The following TSPAN13 variants were observed in gnomAD, a reference collection of about 807,000 sequenced individuals.
The protein encoded by TSPAN13 is tetraspanin-13.
In TSPAN13, 18 loss-of-function variants were observed where a neutral mutation model predicts 26.9. The ratio of observed to expected loss-of-function variants is 0.67; its 90% CI spans 0.46 to 0.99. The LOEUF (loss-of-function observed/expected upper bound fraction) is 0.99, where lower values mean the gene tolerates loss of function less well. Ranked by LOEUF, TSPAN13 falls within the 50% of genes least tolerant of loss-of-function variation. The probability of loss-of-function intolerance (pLI) is 0.00; values close to 1 mark genes in which losing one functional copy is unlikely to be tolerated. For synonymous variants in TSPAN13, 116 were observed against 98.4 expected (o/e 1.18, Z -1.06); for missense variants, 201 against 249.6 (o/e 0.81, Z 1.31).
chr7:16,783,287 A>T, intron 5 of TSPAN13, 130 bp from the exon 6 acceptor site: 1 of 882,210 alleles, frequency 1.1e-6, no homozygotes, highest in Non-Finnish European at 1.7e-6. Flanking sequence ...AAAGAAAAAA[A>T]ATCTCTCCCC....
intron 1 of TSPAN13, among the ~76,000 whole-genome samples, chr7:16,760,433 A>G (rs984705115): frequency 1.3e-5 from 2 of 152,194 alleles, no homozygotes; most frequent in African/African-American, 4.8e-5. Context: ...GGCTCAAGGA[A>G]TTGGCAGGAT....
chr7:16,775,432 A>G (rs991339437), intron 1 of TSPAN13, among the ~76,000 whole-genome samples: 29 of 152,276 alleles, frequency 1.9e-4, no homozygotes, highest in African/African-American at 6.8e-4. Context: ...TTCACTTTAA[A>G]TAGCTAAAGT....
At chr7:16,766,419 A>C (rs1438966607) in intron 1 of TSPAN13, among the ~76,000 whole-genome samples, 2 of 152,244 alleles carry the variant, frequency 1.3e-5, no homozygotes, top group Non-Finnish European at 2.9e-5. Context: ...ATGTGTGTGC[A>C]TATGTGCATC....
chr7:16,779,090 A>T lies in TSPAN13; in HGVS notation c.514A>T (p.Ile172Phe), dbSNP rs905175846. The T allele has an allele frequency of 1.9e-6, 3 of 1,613,922 alleles. No homozygotes were observed. In the Admixed American group the frequency reaches 5.0e-5, roughly 27 times the overall value. ...AGAGGTTTTGAGATTTGTTGGTGGC[A>T]TTGGCCTGTTCTTCAGTTTTACAGA... Reference protein sequence around the residue: ...AGEVLRFVGGIGLFFSFTEIL... With the variant: ...AGEVLRFVGGFGLFFSFTEIL... The change falls in exon 5 of 6, where the codon ATT becomes TTT. Residue 172 changes from isoleucine to phenylalanine, a missense_variant. Coordinates refer to ENST00000262067, the MANE Select transcript of TSPAN13 (RefSeq NM_014399.4).
chr7:16,779,479 TACAC>T (rs1264732209), intron 5 of TSPAN13, among the ~76,000 whole-genome samples: 4 of 152,104 alleles, frequency 2.6e-5, no homozygotes, highest in Admixed American at 6.5e-5. Flanking sequence ...ATGTCTATAA[TACAC>T]AGACATACAT....
rs1784850213 is a variant in TSPAN13, at chr7:16,784,484, T to G, written c.*993T>G. On this transcript the variant is annotated 3_prime_UTR_variant, in exon 6 of 6. Coordinates refer to ENST00000262067, the MANE Select transcript of TSPAN13 (RefSeq NM_014399.4). ...AAAATTAAAGGACAGAAACCTTTCT[T>G]TGTGTATGCATGTTTGAATTAAAAG... 6.6e-6 allele frequency: 1 copy of G among 152,188 alleles called. No individual in the cohort carries two copies. Among genetic ancestry groups the G allele is most frequent in the Non-Finnish European group, 1.5e-5 (1 of 68,016 alleles). The allele number at this position is 152,188 out of a possible 1,614,324, so 9.4% of individuals were successfully genotyped here.
intron 1 of TSPAN13, among the ~76,000 whole-genome samples, chr7:16,775,543 C>T (rs1484368277): frequency 1.3e-5 from 2 of 152,156 alleles, no homozygotes; most frequent in African/African-American, 4.8e-5. Context: ...ATTTCAGCAG[C>T]AATTCTATGA....
intron 1 of TSPAN13, among the ~76,000 whole-genome samples, chr7:16,775,374 A>C (rs771318709): frequency 1.1e-4 from 16 of 152,252 alleles, no homozygotes; most frequent in Non-Finnish European, 2.2e-4. Context: ...AAATATATGA[A>C]TAAAACAATT....
In TSPAN13 at chr7:16,754,030, C is replaced by G. The variant is rs779519006; in HGVS notation, c.63C>G (p.Thr21=). ...NCLCALNLLY[T]LVSLLLIGIA... Reference sequence around the variant, plus strand: ...TGTGCGCCCTCAACCTGCTTTACACCGTGAGTATCCCCAGTCCGTTCCTGC... The same window carrying G: ...TGTGCGCCCTCAACCTGCTTTACACGGTGAGTATCCCCAGTCCGTTCCTGC... Residue 21 remains threonine, a splice_region_variant and synonymous_variant, in exon 1 of 6, where the codon ACC becomes ACG. Coordinates refer to ENST00000262067, the MANE Select transcript of TSPAN13 (RefSeq NM_014399.4). The G allele has an allele frequency of 2.5e-6, 4 of 1,613,680 alleles. No individual in the cohort carries two copies. The East Asian group carries it at 8.9e-5, about 36-fold the overall frequency.
chr7:16,775,998 A>C, intron 1 of TSPAN13: 1 of 423,784 alleles, frequency 2.4e-6, no homozygotes, highest in East Asian at 3.6e-5. Flanking sequence ...TTTCTTTTGC[A>C]AGAATAAAGC....
At chr7:16,773,830 C>T (rs1476017274) in intron 1 of TSPAN13, among the ~76,000 whole-genome samples, 1 of 152,030 alleles carries the variant, frequency 6.6e-6, no homozygotes, top group African/African-American at 2.4e-5. Flanking sequence ...TCTTTTTTGG[C>T]TCTAAGACTT....
chr7:16,770,502 G>A (rs534277367), intron 1 of TSPAN13, among the ~76,000 whole-genome samples: 22 of 152,284 alleles, frequency 1.4e-4, no homozygotes, highest in African/African-American at 4.6e-4. Context: ...GAGCCACCGC[G>A]CCCAGCCCCC....
chr7:16,764,017 C>CTTTATT (rs1490221525), intron 1 of TSPAN13, among the ~76,000 whole-genome samples: 2 of 151,952 alleles, frequency 1.3e-5, no homozygotes, highest in Admixed American at 6.6e-5. Flanking sequence ...TTTCTTTGTT[C>CTTTATT]TTTATTTTTA....
In TSPAN13 at chr7:16,777,122, G is replaced by A. The variant is rs764601799; in HGVS notation, c.312G>A (p.Gln104=). The change falls in exon 3 of 6, where the codon CAG becomes CAA. Residue 104 remains glutamine (Q), a splice_region_variant and synonymous_variant. Coordinates refer to ENST00000262067, the MANE Select transcript of TSPAN13 (RefSeq NM_014399.4). ...GTTTAGCCCTGAACCAGGAGCAACA[G>A]GTAAGCTAAGACTTTTTTCTTCTAC... ...CACLALNQEQ[Q]GQLLEVGWNN... is the part of the protein sequence containing the mutation. 1 of 1,611,404 alleles carries A rather than the reference G, an allele frequency of 6.2e-7. No individual in the cohort carries two copies. The highest frequency in any genetic ancestry group is 1.7e-5 in the Admixed American group (1 of 59,968).
At chr7:16,777,240 CTGGATAGCAAAACTCTCTTGTTCCCTT>C in intron 3 of TSPAN13, 118 bp downstream of exon 3, 1 of 694,974 alleles carries the variant, frequency 1.4e-6, no homozygotes, top group South Asian at 1.9e-5. Context: ...CACCTTCACT[CTGGATAGCAAAACTCTCTTGTTCCCTT>C]TGCATTAGTG....
intron 1 of TSPAN13, among the ~76,000 whole-genome samples, chr7:16,756,841 T>C (rs867882143): frequency 2.0e-5 from 3 of 152,224 alleles, no homozygotes; most frequent in African/African-American, 7.2e-5. Flanking sequence ...TCAACAATTA[T>C]TGAGTGCCTA....
chr7:16,761,784 A>C (rs1309999724), intron 1 of TSPAN13, among the ~76,000 whole-genome samples: 1 of 133,806 alleles, frequency 7.5e-6, no homozygotes, highest in African/African-American at 2.9e-5. Flanking sequence ...TTCCTCTTGC[A>C]TTGGCTTCCC....
intron 1 of TSPAN13, among the ~76,000 whole-genome samples, chr7:16,761,201 C>A (rs143025621): frequency 6.6e-6 from 1 of 152,130 alleles, no homozygotes; most frequent in Non-Finnish European, 1.5e-5. Flanking sequence ...AGTGGCATCA[C>A]GGAGAGCCAT....
rs551865446 is a variant in TSPAN13, at chr7:16,776,276, C to T, written c.129C>T (p.Leu43=). The T allele has an allele frequency of 1.6e-5, 26 of 1,614,116 alleles. 1 individual carries two copies. The South Asian group carries it at 2.5e-4, about 16-fold the overall frequency. ...TTGGCTTCGGGCTGATTTCCAGTCTCCGAGTGGTCGGCGTGGTCATTGCAG... is the reference window on the plus strand; with the variant it reads ...TTGGCTTCGGGCTGATTTCCAGTCTTCGAGTGGTCGGCGTGGTCATTGCAG... ...WGIGFGLISS[L]RVVGVVIAVG... The change falls in exon 2 of 6, where the codon CTC becomes CTT. Residue 43 remains leucine, a synonymous_variant. Coordinates refer to ENST00000262067, the MANE Select transcript of TSPAN13 (RefSeq NM_014399.4).
Sources: gnomAD v4.1 joint callset for allele counts (sites outside exome capture counted in the v4.1 genomes callset) on GRCh38, gnomAD v4.1.1 for gene constraint, MANE v1.5 for transcripts, NCBI Gene and HGNC (gene_info 2026-07-23, HGNC 2026-07-21) for gene names.